The following RETREG1 variants were observed in gnomAD, a reference collection of about 807,000 sequenced individuals.
RETREG1 encodes family with sequence similarity 134 member B.
Under a neutral mutation model 54.8 loss-of-function variants are expected in RETREG1, and 44 were observed. That is an observed-to-expected ratio of 0.80 (90% CI 0.63 to 1.03). The LOEUF is 1.03. Among genes scored for constraint, RETREG1 ranks in the 50% least tolerant of loss-of-function variants. The pLI is 0.00. For missense variants in RETREG1, 554 were observed against 605.1 expected (o/e 0.92, Z 0.89); for synonymous variants, 217 against 238.5 (o/e 0.91, Z 0.83).
intron 3 of RETREG1, among the ~76,000 whole-genome samples, chr5:16,504,621 C>T (rs1739866685): frequency 6.6e-6 from 1 of 152,136 alleles, no homozygotes. Flanking sequence ...GCTAAACACA[C>T]CCGGGGTATC....
chr5:16,474,668 CCTTT>C lies in RETREG1; in HGVS notation c.*69_*72del. 1 of 1,283,244 alleles carries C rather than the reference CCTTT, an allele frequency of 7.8e-7. No homozygotes were observed. Among genetic ancestry groups the C allele is most frequent in the Non-Finnish European group, 1.1e-6 (1 of 927,570 alleles). The allele number at this position is 1,283,244 out of a possible 1,614,324, so 79.5% of individuals were successfully genotyped here. On this transcript the variant is annotated 3_prime_UTR_variant, in exon 9 of 9. Coordinates refer to ENST00000306320, the MANE Select transcript of RETREG1 (RefSeq NM_001034850.3). ...GCTTACAGTTCAATTTTTTTCTTTT[CCTTT>C]TTTTTTTTTTTTTCTTGTTTGAAAT...
chr5:16,567,400 A>C (rs1366320561), intron 2 of RETREG1, among the ~76,000 whole-genome samples: 1 of 152,228 alleles, frequency 6.6e-6, no homozygotes, highest in Admixed American at 6.5e-5. Flanking sequence ...GCCATCTGAC[A>C]AGCTATCAGA....
chr5:16,584,278 T>C (rs1259044540), intron 1 of RETREG1, among the ~76,000 whole-genome samples: 5 of 152,098 alleles, frequency 3.3e-5, no homozygotes, highest in Non-Finnish European at 7.4e-5. Context: ...TCCCCAAAAA[T>C]CTATTGAAAT....
chr5:16,554,603 C>T (rs915158037), intron 3 of RETREG1, among the ~76,000 whole-genome samples: 2 of 135,862 alleles, frequency 1.5e-5, no homozygotes, highest in Non-Finnish European at 3.4e-5. Flanking sequence ...TTCCCCTCAC[C>T]CTGAGATAAC....
rs1738396919 is a variant in RETREG1, at chr5:16,473,582, A to G, written c.*1159T>C. On this transcript the variant is annotated 3_prime_UTR_variant, in exon 9 of 9. Coordinates refer to ENST00000306320, the MANE Select transcript of RETREG1 (RefSeq NM_001034850.3). ...GCTGGCATGGTCCCTCGACACTTAAAGTTTATATCACAAAAACAAAACTAG... is the reference window on the plus strand; with the variant it reads ...GCTGGCATGGTCCCTCGACACTTAAGGTTTATATCACAAAAACAAAACTAG... 6.6e-6 allele frequency: 1 copy of G among 152,600 alleles called. No individual in the cohort carries two copies. The allele number at this position is 152,600 out of a possible 1,614,324, so 9.5% of individuals were successfully genotyped here.
At chr5:16,601,047 C>T (rs1226847280) in intron 1 of RETREG1, among the ~76,000 whole-genome samples, 1 of 150,990 alleles carries the variant, frequency 6.6e-6, no homozygotes, top group Admixed American at 6.6e-5. Flanking sequence ...AGAAGTCTGA[C>T]GTTTGACCAG....
intron 3 of RETREG1, among the ~76,000 whole-genome samples, chr5:16,506,471 T>C (rs1395051852): frequency 9.5e-6 from 1 of 104,792 alleles, no homozygotes; most frequent in Non-Finnish European, 2.1e-5. Flanking sequence ...ATCTTTTTGT[T>C]TTTTTGTTTT....
chr5:16,523,472 G>A (rs139583063), intron 3 of RETREG1, among the ~76,000 whole-genome samples: 1 of 152,074 alleles, frequency 6.6e-6, no homozygotes. Flanking sequence ...TTTTGGGTTG[G>A]GGGGAGAGTC....
rs186392061 is a variant in RETREG1, at chr5:16,482,098, C to T, written c.586-1005G>A. 2.0e-3 allele frequency among the ~76,000 whole-genome samples: 299 copies of T among 151,938 alleles called. 1 individual carries two copies. Among genetic ancestry groups the T allele is most frequent in the African/African-American group, 6.8e-3 (283 of 41,468 alleles). On this transcript the variant is annotated intron_variant, in intron 4 of 8. Coordinates refer to ENST00000306320, the MANE Select transcript of RETREG1 (RefSeq NM_001034850.3). ...CTTCGGTACAGAGTTAATAAATTAA[C>T]TAGTCAAAAGTAGATTAGATGACTT...
chr5:16,616,703 T>C lies in RETREG1; in HGVS notation c.269A>G (p.Lys90Arg). ...GCCGAGCAGGCTCCGCAGCGGCCTC[T>C]TCCAGCTCAGCAGCTCGTCGGCGCG... ...GCRADELLSWKRPLRSLLGFV... is the reference protein window; with the variant it reads ...GCRADELLSWRRPLRSLLGFV... Residue 90 changes from lysine to arginine, a missense_variant, in exon 1 of 9, where the codon AAG becomes AGG. Around this residue, in one of 4 missense-constraint regions of RETREG1, gnomAD observed 175 missense variants for 142.1 expected, o/e 1.23. Transcript: ENST00000306320. The C allele has an allele frequency of 6.3e-7, 1 of 1,594,710 alleles. No homozygotes were observed. The highest frequency in any genetic ancestry group is 8.5e-7 in the Non-Finnish European group (1 of 1,177,114).
intron 3 of RETREG1, among the ~76,000 whole-genome samples, chr5:16,512,085 C>T (rs1740195557): frequency 6.6e-6 from 1 of 152,182 alleles, no homozygotes; most frequent in South Asian, 2.1e-4. Context: ...GCTTCTTCAC[C>T]CAGATGGCAC....
In RETREG1 at chr5:16,616,952, G is replaced by A. The variant is rs1186359476; in HGVS notation, c.20C>T (p.Pro7Leu). The A allele has an allele frequency of 2.1e-6, 3 of 1,444,008 alleles. No individual in the cohort carries two copies. The highest frequency in any genetic ancestry group is 1.4e-5 in the South Asian group (1 of 73,028). 89.4% of individuals were successfully genotyped at this position (1,444,008 alleles called of 1,614,324 possible). MASPAP[P>L]EHAEEGCPAP... ...CGGGCATCCCTCCTCGGCGTGCTCC[G>A]GAGGCGCCGGGCTCGCCATCTTCAG... Residue 7 changes from proline to leucine, a missense_variant, in exon 1 of 9, where the codon CCG becomes CTG. This residue lies in a region of RETREG1 where 175 missense variants were observed against 142.1 expected (regional missense o/e 1.23). Transcript: ENST00000306320.
intron 3 of RETREG1, among the ~76,000 whole-genome samples, chr5:16,557,465 C>T (rs1741740230): frequency 6.6e-6 from 1 of 152,146 alleles, no homozygotes; most frequent in African/African-American, 2.4e-5. Flanking sequence ...AAAAAATTAA[C>T]CACAGATTGG....
intron 1 of RETREG1, among the ~76,000 whole-genome samples, chr5:16,573,668 G>A (rs1301438101): frequency 6.6e-6 from 1 of 150,914 alleles, no homozygotes; most frequent in Non-Finnish European, 1.5e-5. Flanking sequence ...CACAGGGAGA[G>A]GGAGGATGGA....
chr5:16,556,305 GC>G (rs1445408119), intron 3 of RETREG1, among the ~76,000 whole-genome samples: 1 of 151,934 alleles, frequency 6.6e-6, no homozygotes, highest in East Asian at 1.9e-4. Context: ...ACAGGCACCC[GC>G]CGCCACGCCC....
intron 3 of RETREG1, among the ~76,000 whole-genome samples, chr5:16,552,629 A>T (rs2126617178): frequency 6.6e-6 from 1 of 152,244 alleles, no homozygotes; most frequent in South Asian, 2.1e-4. Flanking sequence ...TTTCTCTGTC[A>T]TATTCTCCAT....
chr5:16,533,138 G>A (rs189210242), intron 3 of RETREG1, among the ~76,000 whole-genome samples: 368 of 151,938 alleles, frequency 2.4e-3, no homozygotes, highest in Non-Finnish European at 4.5e-3. Context: ...TCCGCCTCCC[G>A]GGTTCACGCC....
intron 3 of RETREG1, among the ~76,000 whole-genome samples, chr5:16,492,391 T>C (rs1739286534): frequency 6.6e-6 from 1 of 152,016 alleles, no homozygotes; most frequent in Non-Finnish European, 1.5e-5. Flanking sequence ...TTATTTTCAA[T>C]TTATAAGAAA....
chr5:16,566,713 C>T lies in RETREG1; in HGVS notation c.428-920G>A, dbSNP rs368685409. 1.1e-3 allele frequency among the ~76,000 whole-genome samples: 170 copies of T among 152,290 alleles called. 1 individual carries two copies. The highest frequency in any genetic ancestry group is 3.8e-3 in the African/African-American group (159 of 41,564). On this transcript the variant is annotated intron_variant, in intron 2 of 8. Transcript: ENST00000306320. ...GATGTGGTTTTCCTTTTTGCCTTGGCTGCCAATATGCATGTGGATAAATCT... is the reference window on the plus strand; with the variant it reads ...GATGTGGTTTTCCTTTTTGCCTTGGTTGCCAATATGCATGTGGATAAATCT...
Sources: allele counts gnomAD v4.1 joint callset (sites outside exome capture counted in the v4.1 genomes callset), GRCh38; gene constraint gnomAD v4.1.1; regional missense constraint gnomAD v4.1.1; transcripts MANE v1.5; gene names NCBI Gene and HGNC (gene_info 2026-07-23, HGNC 2026-07-21).